Variants in ORC3 observed in about 807,000 individuals in gnomAD.
The protein encoded by ORC3 is origin recognition complex subunit 3.
ORC3 carries 78 observed loss-of-function variants against 100.7 expected under a neutral mutation model. The observed-to-expected ratio is 0.77, with a 90% confidence interval of 0.65 to 0.94. ORC3 has a LOEUF of 0.94. Ranked by LOEUF, ORC3 falls within the 40% of genes least tolerant of loss-of-function variation. The pLI is 0.00. For missense variants in ORC3, 789 were observed against 823.9 expected (o/e 0.96, Z 0.52); for synonymous variants, 295 against 289.3 (o/e 1.02, Z -0.20).
At chr6:87,639,171 C>T (rs1770724694) in intron 13 of ORC3, among the ~76,000 whole-genome samples, 1 of 152,066 alleles carries the variant, frequency 6.6e-6, no homozygotes, top group Admixed American at 6.6e-5. Flanking sequence ...ATCCAAAATG[C>T]AGAACACTTC....
intron 1 of ORC3, 86 bp from the exon 2 acceptor site, chr6:87,594,267 G>T: frequency 1.1e-6 from 1 of 887,194 alleles, no homozygotes; most frequent in Non-Finnish European, 1.8e-6. Context: ...TTTTAAAAAA[G>T]TGCTTACCCA....
At chr6:87,670,769 G>A (rs1770816423), downstream of ORC3, among the ~76,000 whole-genome samples, 1 of 152,184 alleles carries the variant, frequency 6.6e-6, no homozygotes, top group South Asian at 2.1e-4. Flanking sequence ...GTATGCCAGT[G>A]AGCAAAGAAC....
the ORC3 span, among the ~76,000 whole-genome samples, chr6:87,672,807 T>TA: frequency 2.3e-4 from 35 of 152,214 alleles, no homozygotes; most frequent in Admixed American, 2.2e-3. Context: ...CTCCAATATT[T>TA]ATTTTTCTCA....
intron 1 of ORC3, among the ~76,000 whole-genome samples, chr6:87,591,857 G>C (rs1247776207): frequency 6.6e-6 from 1 of 151,788 alleles, no homozygotes; most frequent in African/African-American, 2.4e-5. Flanking sequence ...TCAGCCTCCC[G>C]GGCAGTTGGG....
At chr6:87,600,265 C>T (rs9444523) in intron 2 of ORC3, among the ~76,000 whole-genome samples, 2,863 of 152,000 alleles carry the variant, frequency 0.019, 84 homozygotes, top group African/African-American at 0.063. Context: ...CAATAAAATA[C>T]GTAGCAGTAA....
At chr6:87,615,452 A>G (rs946616933) in intron 8 of ORC3, among the ~76,000 whole-genome samples, 5 of 152,174 alleles carry the variant, frequency 3.3e-5, no homozygotes, top group African/African-American at 1.2e-4. Context: ...CCACTTACAC[A>G]TGGGTTTTAG....
In ORC3 at chr6:87,634,857, T is replaced by C. The variant is rs749997020; in HGVS notation, c.1198T>C (p.Leu400=). 1 of 1,524,888 alleles carries C rather than the reference T, an allele frequency of 6.6e-7. No individual in the cohort carries two copies. Among genetic ancestry groups the C allele is most frequent in the East Asian group, 2.2e-5 (1 of 44,450 alleles). 94.5% of individuals were successfully genotyped at this position (1,524,888 alleles called of 1,614,324 possible). ...CTGTGATTTTTAGGAGGAAACACAA[T>C]TATTACTAGAAAACCTGCATGTTTA... ...NERYLKEETQ[L]LLENLHVYHM... is the part of the protein sequence containing the mutation. The change falls in exon 12 of 20, where the codon TTA becomes CTA. Residue 400 remains leucine (L), a synonymous_variant. Transcript: ENST00000392844.
chr6:87,631,488 T>C (rs1767403499), intron 11 of ORC3, among the ~76,000 whole-genome samples: 1 of 152,098 alleles, frequency 6.6e-6, no homozygotes. Flanking sequence ...TGCTGTAATG[T>C]ATTAAATGGA....
At chr6:87,653,031 C>T in intron 13 of ORC3, 85 bp from the exon 14 acceptor site, 2 of 1,039,248 alleles carry the variant, frequency 1.9e-6, no homozygotes, top group Non-Finnish European at 2.7e-6. Flanking sequence ...TGAGCGGAAA[C>T]ATTTAATATG....
At chr6:87,660,755 A>G (rs181714849) in intron 16 of ORC3, among the ~76,000 whole-genome samples, 6 of 152,358 alleles carry the variant, frequency 3.9e-5, no homozygotes, top group African/African-American at 9.6e-5. Context: ...GGGAAGGCCT[A>G]TCATTTGTCT....
intron 1 of ORC3, among the ~76,000 whole-genome samples, chr6:87,593,650 C>T (rs1777207801): frequency 6.6e-6 from 1 of 152,204 alleles, no homozygotes; most frequent in Non-Finnish European, 1.5e-5. Context: ...AAATAAGTTT[C>T]GGGTTGGGAG....
rs1251020760 is a variant in ORC3 at position 87,663,019 on chromosome 6, C to T, written c.1708C>T (p.Pro570Ser). 3.7e-6 allele frequency: 6 copies of T among 1,606,802 alleles called. No homozygotes were observed. Among genetic ancestry groups the T allele is most frequent in the Non-Finnish European group, 5.1e-6 (6 of 1,175,366 alleles). ...CTGTTTCAGAGAATACCTTCTGCCTCCTGAGACACAGCCTCTCCATGAGGT... is the reference window on the plus strand; with the variant it reads ...CTGTTTCAGAGAATACCTTCTGCCTTCTGAGACACAGCCTCTCCATGAGGT... ...DCLVREYLLP[P>S]ETQPLHEVVY... is the part of the protein sequence containing the mutation. Residue 570 changes from proline (P) to serine (S), a missense_variant, in exon 17 of 20, where the codon CCT becomes TCT. This residue lies in a region of ORC3 where 366 missense variants were observed against 394.2 expected (regional missense o/e 0.93). Transcript: ENST00000392844.
At chr6:87,621,179 T>C (rs1315208368) in intron 9 of ORC3, among the ~76,000 whole-genome samples, 175 bp from the exon 10 acceptor site, 2 of 150,790 alleles carry the variant, frequency 1.3e-5, no homozygotes, top group African/African-American at 2.5e-5. Context: ...CCTTAAAATA[T>C]GGAGTTATAT....
the ORC3 span, among the ~76,000 whole-genome samples, chr6:87,677,080 GAA>G: frequency 8.0e-5 from 9 of 112,662 alleles, no homozygotes; most frequent in East Asian, 2.5e-4. Context: ...TCCGTCTCAG[GAA>G]AAAAAAAAAA....
At chr6:87,598,696 G>A (rs1007889653) in intron 2 of ORC3, among the ~76,000 whole-genome samples, 1 of 150,950 alleles carries the variant, frequency 6.6e-6, no homozygotes, top group Non-Finnish European at 1.5e-5. Context: ...TAAGACCAAC[G>A]GGTAGTGTTA....
chr6:87,641,214 G>A (rs1316771544), intron 13 of ORC3, among the ~76,000 whole-genome samples: 3 of 152,280 alleles, frequency 2.0e-5, no homozygotes, highest in African/African-American at 7.2e-5. Flanking sequence ...TTGGATTGGG[G>A]ATAATGAAAA....
intron 2 of ORC3, among the ~76,000 whole-genome samples, chr6:87,594,974 T>C (rs1222776705): frequency 6.6e-6 from 1 of 152,238 alleles, no homozygotes; most frequent in Non-Finnish European, 1.5e-5. Context: ...TGCTTAAAAA[T>C]TTTGATGTGA....
chr6:87,610,479 C>G, intron 7 of ORC3, among the ~76,000 whole-genome samples: 1 of 152,018 alleles, frequency 6.6e-6, no homozygotes, highest in African/African-American at 2.4e-5. Flanking sequence ...TTGGGGCCTC[C>G]CAAAGTGCTA....
chr6:87,644,137 G>GGCT (rs1218405620), intron 13 of ORC3, among the ~76,000 whole-genome samples: 105 of 113,624 alleles, frequency 9.2e-4, no homozygotes, highest in Non-Finnish European at 1.5e-3. Flanking sequence ...CTGTCGCCCA[G>GGCT]GCTGGAGTGC....
Sources: gnomAD v4.1 joint callset for allele counts (sites outside exome capture counted in the v4.1 genomes callset) on GRCh38, gnomAD v4.1.1 for gene constraint, gnomAD v4.1.1 regional missense constraint, MANE v1.5 for transcripts, NCBI Gene and HGNC (gene_info 2026-07-23, HGNC 2026-07-21) for gene names.